INTS9: variants seen among roughly 807,000 people sequenced by gnomAD.
The protein encoded by INTS9 is integrator complex subunit 9, also known as protein related to CPSF subunits of 74 kDa.
INTS9 carries 55 observed loss-of-function variants against 79.7 expected under a neutral mutation model. The ratio of observed to expected loss-of-function variants is 0.69; its 90% CI spans 0.56 to 0.86. The LOEUF (loss-of-function observed/expected upper bound fraction) is 0.86. Ranked by LOEUF, INTS9 falls within the 40% of genes least tolerant of loss-of-function variation. The pLI is 0.00. For synonymous variants in INTS9, 319 were observed against 325.2 expected (o/e 0.98, Z 0.20); for missense variants, 721 against 831.5 (o/e 0.87, Z 1.64).
chr8:28,830,359 C>T (rs1585428266), intron 6 of INTS9, among the ~76,000 whole-genome samples: 1 of 152,106 alleles, frequency 6.6e-6, no homozygotes, highest in East Asian at 1.9e-4. Context: ...TCAGGCCAGG[C>T]ATGGTGGCTC....
chr8:28,772,822 AAGAC>A (rs1169290050), intron 14 of INTS9, among the ~76,000 whole-genome samples: 1 of 152,176 alleles, frequency 6.6e-6, no homozygotes, highest in Non-Finnish European at 1.5e-5. Context: ...AAGAAAAAAA[AAGAC>A]ATACAATTTA....
At chr8:28,779,576 A>C (rs1321828274) in intron 12 of INTS9, among the ~76,000 whole-genome samples, 1 of 152,178 alleles carries the variant, frequency 6.6e-6, no homozygotes, top group Non-Finnish European at 1.5e-5. Context: ...TCTAGATAAG[A>C]ATGAGTTAAG....
chr8:28,842,278 G>C (rs1398783861), intron 4 of INTS9, among the ~76,000 whole-genome samples: 1 of 152,166 alleles, frequency 6.6e-6, no homozygotes, highest in Admixed American at 6.5e-5. Context: ...GTAGGAGGTA[G>C]AAGGCAAGGC....
intron 1 of INTS9, among the ~76,000 whole-genome samples, chr8:28,879,048 A>G (rs900998578): frequency 1.3e-5 from 2 of 152,196 alleles, no homozygotes; most frequent in Admixed American, 6.5e-5. Context: ...TAGAGGAGGT[A>G]CAGAGGAAGA....
chr8:28,855,697 T>C (rs935903994), intron 2 of INTS9, among the ~76,000 whole-genome samples: 6 of 152,202 alleles, frequency 3.9e-5, no homozygotes, highest in Non-Finnish European at 8.8e-5. Flanking sequence ...TTTTCTCTTT[T>C]GCTATAACGG....
chr8:28,885,003 T>C (rs1810109260), intron 1 of INTS9, among the ~76,000 whole-genome samples: 1 of 152,198 alleles, frequency 6.6e-6, no homozygotes, highest in African/African-American at 2.4e-5. Flanking sequence ...AAACTGACCT[T>C]GGGGCAGGAT....
intron 6 of INTS9, 174 bp from the exon 7 acceptor site, chr8:28,813,786 G>A: frequency 1.6e-6 from 1 of 642,012 alleles, no homozygotes; most frequent in Non-Finnish European, 2.5e-6. Context: ...TTTTGAGACA[G>A]AGTCTCACTG....
At chr8:28,786,842 C>A (rs970370598) in intron 11 of INTS9, among the ~76,000 whole-genome samples, 1 of 152,070 alleles carries the variant, frequency 6.6e-6, no homozygotes, top group East Asian at 1.9e-4. Flanking sequence ...TTCAGCCTCC[C>A]GAGCAGTTGT....
At chr8:28,866,555 T>TA (rs1202838510) in intron 1 of INTS9, among the ~76,000 whole-genome samples, 31 of 152,182 alleles carry the variant, frequency 2.0e-4, no homozygotes, top group African/African-American at 7.5e-4. Context: ...TTTCACTGAG[T>TA]ACTAGTACTG....
rs557183674 is a variant in INTS9 at position 28,812,493 on chromosome 8, G to A, written c.610-32C>T. ...GAGAACCACAGTAAGAATGTGCAAT[G>A]AGCTTACAGTGACAGTCACATGAGG... On this transcript the variant is annotated intron_variant, in intron 7 of 16. Transcript: ENST00000521022. 1,166 of 1,599,184 alleles carry A rather than the reference G, an allele frequency of 7.3e-4. 17 individuals carry two copies. The South Asian group carries it at 0.012, about 17-fold the overall frequency.
chr8:28,773,784 G>A (rs1228143227), intron 14 of INTS9, among the ~76,000 whole-genome samples: 1 of 151,836 alleles, frequency 6.6e-6, no homozygotes, highest in Non-Finnish European at 1.5e-5. Context: ...TCAGCCTCCT[G>A]AAGTGCTGGG....
chr8:28,795,639 C>CAAAAA (rs56910832), intron 9 of INTS9, among the ~76,000 whole-genome samples: 2 of 70,830 alleles, frequency 2.8e-5, no homozygotes, highest in Non-Finnish European at 2.5e-5. Context: ...GACTCCGTCT[C>CAAAAA]AAAAAAAAAA....
chr8:28,777,833 A>C lies in INTS9; in HGVS notation c.1391T>G (p.Val464Gly), dbSNP rs200033074. 18 of 1,604,382 alleles carry C rather than the reference A, an allele frequency of 1.1e-5. No homozygotes were observed. The highest frequency in any genetic ancestry group is 1.5e-5 in the Non-Finnish European group (18 of 1,175,918). Residue 464 changes from valine to glycine, a missense_variant, in exon 13 of 17, where the codon GTG becomes GGG. By Grantham distance (109) the Val-to-Gly change is moderately radical (BLOSUM62 -3). This residue lies in a region of INTS9 where 281 missense variants were observed against 300.8 expected (regional missense o/e 0.93). Transcript: ENST00000521022. ...ACAAGCAGTGTCCTTCATTACCTGC[A>C]CTTCTTTAAGCAGCTTTGACACCTG... is the stretch of plus-strand genomic sequence containing the variant. ...FIQVSKLLKE[V>G]QPLHVVCPEQ...
intron 1 of INTS9, among the ~76,000 whole-genome samples, chr8:28,879,898 T>C (rs977331130): frequency 6.6e-6 from 1 of 152,084 alleles, no homozygotes; most frequent in African/African-American, 2.4e-5. Flanking sequence ...TGCCGAGGCC[T>C]GGAGGTAGTA....
chr8:28,859,861 C>T (rs888052277), intron 1 of INTS9, among the ~76,000 whole-genome samples: 13 of 152,166 alleles, frequency 8.5e-5, no homozygotes, highest in Admixed American at 2.0e-4. Context: ...TTATTCATTC[C>T]GTTCTCACAA....
intron 1 of INTS9, among the ~76,000 whole-genome samples, chr8:28,870,630 A>G (rs1809037327): frequency 6.6e-6 from 1 of 152,192 alleles, no homozygotes; most frequent in Non-Finnish European, 1.5e-5. Flanking sequence ...CAAACCACAT[A>G]TAAATGCAAT....
intron 10 of INTS9, 170 bp downstream of exon 10, chr8:28,793,630 AAACTTAG>A: frequency 1.7e-6 from 1 of 590,964 alleles, no homozygotes; most frequent in African/African-American, 1.8e-5. Flanking sequence ...CTATTATTCT[AAACTTAG>A]CAATGCAACA....
intron 6 of INTS9, among the ~76,000 whole-genome samples, chr8:28,818,291 T>C (rs1805620765): frequency 6.6e-6 from 1 of 150,448 alleles, no homozygotes. Context: ...TGTGGGTTTG[T>C]CATAGATAGC....
At chr8:28,768,686 G>A (rs1802349914) in intron 16 of INTS9, among the ~76,000 whole-genome samples, 1 of 152,210 alleles carries the variant, frequency 6.6e-6, no homozygotes, top group African/African-American at 2.4e-5. Flanking sequence ...AAAATGCCAG[G>A]TGACACCAAG....
Sources: allele counts gnomAD v4.1 joint callset (sites outside exome capture counted in the v4.1 genomes callset), GRCh38; gene constraint gnomAD v4.1.1; regional missense constraint gnomAD v4.1.1; transcripts MANE v1.5; gene names NCBI Gene and HGNC (gene_info 2026-07-23, HGNC 2026-07-21).